AK9: variants seen among roughly 807,000 people sequenced by gnomAD.
AK9 encodes adenylate kinase 9.
A neutral mutation model predicts 239.6 loss-of-function variants in AK9; 191 were observed. That is an observed-to-expected ratio of 0.80 (90% confidence interval 0.71 to 0.90). AK9 has a LOEUF of 0.90. Ranked by LOEUF, AK9 falls within the 40% of genes least tolerant of loss-of-function variation. The pLI is 0.00. For synonymous variants in AK9, 689 were observed against 721.0 expected, an observed-to-expected ratio of 0.96 and a Z score of 0.71; for missense variants, 1,995 against 2,214.7, an observed-to-expected ratio of 0.90 and a Z score of 1.99.
At chr6:109,629,650 TG>T (rs201502132) in intron 12 of AK9, among the ~76,000 whole-genome samples, 1,489 of 140,732 alleles carry the variant, frequency 0.011, 12 homozygotes, top group Middle Eastern at 0.038. Context: ...TTTTTTTTTT[TG>T]AGACAGAGTC....
chr6:109,647,024 C>T (rs1003474162), intron 8 of AK9, among the ~76,000 whole-genome samples: 2 of 152,158 alleles, frequency 1.3e-5, no homozygotes, highest in South Asian at 2.1e-4. Context: ...AAATCCTTTA[C>T]AGACAAGCAA....
intron 6 of AK9, among the ~76,000 whole-genome samples, chr6:109,660,587 C>T (rs1169352228): frequency 1.3e-5 from 2 of 152,166 alleles, no homozygotes; most frequent in Non-Finnish European, 2.9e-5. Flanking sequence ...AAAAGAATTT[C>T]AACCTACACA....
At chr6:109,537,802 G>T (rs1343508109) in intron 27 of AK9, among the ~76,000 whole-genome samples, 1 of 151,986 alleles carries the variant, frequency 6.6e-6, no homozygotes, top group Non-Finnish European at 1.5e-5. Flanking sequence ...CTGGTATGTT[G>T]TGTCTTTGTT....
At chr6:109,547,858 A>AC (rs1367378865) in intron 25 of AK9, among the ~76,000 whole-genome samples, 5 of 151,890 alleles carry the variant, frequency 3.3e-5, no homozygotes, top group African/African-American at 7.3e-5. Context: ...AAAAAAAAAA[A>AC]AAAAAAACCC....
At chr6:109,656,277 C>T (rs1333549972) in intron 8 of AK9, among the ~76,000 whole-genome samples, 1 of 152,176 alleles carries the variant, frequency 6.6e-6, no homozygotes, top group Admixed American at 6.5e-5. Flanking sequence ...CTTCCTATTA[C>T]ATTATATAAT....
chr6:109,529,781 A>G (rs1044242399), intron 28 of AK9, among the ~76,000 whole-genome samples: 6 of 152,118 alleles, frequency 3.9e-5, no homozygotes, highest in African/African-American at 9.7e-5. Flanking sequence ...TTGTGCTCCT[A>G]TAAGAATCTA....
At chr6:109,504,079 T>C (rs922721715) in intron 35 of AK9, among the ~76,000 whole-genome samples, 30 of 152,284 alleles carry the variant, frequency 2.0e-4, no homozygotes, top group African/African-American at 7.0e-4. Context: ...CACTGCTGGG[T>C]GCAGTGGCTC....
chr6:109,635,702 T>G (rs1212914364), intron 10 of AK9, among the ~76,000 whole-genome samples: 1 of 152,240 alleles, frequency 6.6e-6, no homozygotes, highest in African/African-American at 2.4e-5. Flanking sequence ...TAAGGGTTAA[T>G]GCCTGGCAAA....
intron 38 of AK9, among the ~76,000 whole-genome samples, chr6:109,496,373 G>T (rs574710582): frequency 6.6e-6 from 1 of 152,292 alleles, no homozygotes; most frequent in Admixed American, 6.5e-5. Flanking sequence ...CACTGTGTTT[G>T]TTTGTAGCCT....
intron 17 of AK9, among the ~76,000 whole-genome samples, chr6:109,597,631 CCA>C (rs1258009429): frequency 2.0e-5 from 3 of 152,022 alleles, no homozygotes; most frequent in African/African-American, 7.3e-5. Flanking sequence ...CGAGATGGCG[CCA>C]CTGCATTCCA....
chr6:109,540,308 G>T (rs185185842), intron 27 of AK9, among the ~76,000 whole-genome samples: 2 of 152,308 alleles, frequency 1.3e-5, no homozygotes. Flanking sequence ...AATGGTGGGT[G>T]CCCCTCCCCC....
intron 3 of AK9, 86 bp from the exon 4 acceptor site, chr6:109,672,253 A>G (rs1771028747): frequency 1.8e-6 from 2 of 1,115,770 alleles, no homozygotes; most frequent in Non-Finnish European, 1.3e-6. Flanking sequence ...GTAACTGGTA[A>G]CAAAGATTAA....
At chr6:109,662,305 T>C (rs1583480574) in intron 6 of AK9, among the ~76,000 whole-genome samples, 1 of 152,120 alleles carries the variant, frequency 6.6e-6, no homozygotes, top group African/African-American at 2.4e-5. Context: ...TCTAAAGAGA[T>C]GATGTATTAA....
At chr6:109,530,927 C>T (rs970894594) in intron 28 of AK9, among the ~76,000 whole-genome samples, 8 of 152,082 alleles carry the variant, frequency 5.3e-5, no homozygotes, top group African/African-American at 1.9e-4. Flanking sequence ...CCTGTAGTCC[C>T]AGCTACTTGG....
At chr6:109,525,478 A>C (rs1234236271) in intron 29 of AK9, among the ~76,000 whole-genome samples, 2 of 152,136 alleles carry the variant, frequency 1.3e-5, no homozygotes, top group Non-Finnish European at 2.9e-5. Context: ...CCAAAACAAC[A>C]ACCCCATTAA....
Position 109,679,345 on chromosome 6 carries a change from T to TCCAACTGGGCGGAC in AK9, c.-11-3590_-11-3589insGTCCGCCCAGTTGG, listed in dbSNP as rs113281660. 2.6e-5 allele frequency among the ~76,000 whole-genome samples: 4 copies of TCCAACTGGGCGGAC among 151,820 alleles called. No homozygotes were observed. The East Asian group carries it at 7.8e-4, about 29-fold the overall frequency. On this transcript the variant is annotated intron_variant, in intron 1 of 40. Transcript: ENST00000424296. ...AGTGTAAACAAAGCCTTGGGGAAGT[T>TCCAACTGGGCGGAC]CCCTCCTCCCACCCCCGCAGCTCAG... is the stretch of plus-strand genomic sequence containing the variant.
intron 19 of AK9, among the ~76,000 whole-genome samples, chr6:109,583,333 T>C (rs2128209844): frequency 6.6e-6 from 1 of 152,306 alleles, no homozygotes; most frequent in East Asian, 1.9e-4. Flanking sequence ...ACTAACAATA[T>C]GACAGAAATT....
intron 1 of AK9, among the ~76,000 whole-genome samples, chr6:109,689,931 G>C (rs1453714137): frequency 6.6e-6 from 1 of 152,148 alleles, no homozygotes; most frequent in Non-Finnish European, 1.5e-5. Flanking sequence ...AAAGATCCAA[G>C]TCCAAAATGC....
chr6:109,681,446 C>A (rs1009363800), intron 1 of AK9, among the ~76,000 whole-genome samples: 8 of 152,108 alleles, frequency 5.3e-5, no homozygotes, highest in African/African-American at 1.9e-4. Flanking sequence ...ATTCATAAAG[C>A]AAGTTCTTAG....
Sources: gnomAD v4.1 joint callset for allele counts (sites outside exome capture counted in the v4.1 genomes callset) on GRCh38, gnomAD v4.1.1 for gene constraint, MANE v1.5 for transcripts, NCBI Gene and HGNC (gene_info 2026-07-23, HGNC 2026-07-21) for gene names.